ARHGAP23: variants seen among roughly 807,000 people sequenced by gnomAD.
ARHGAP23 encodes the protein Rho GTPase activating protein 23.
ARHGAP23 carries 34 observed loss-of-function variants against 136.3 expected under a neutral mutation model. That is an observed-to-expected ratio of 0.25 (90% CI 0.19 to 0.33). ARHGAP23 has a LOEUF of 0.33. ARHGAP23 is among the 10% of genes least tolerant of loss of function. The pLI is 1.00. For synonymous variants in ARHGAP23, 832 were observed against 920.5 expected (o/e 0.90, Z 1.74); for missense variants, 1,808 against 2,139.0 (o/e 0.85, Z 3.05).
At chr17:38,454,605 G>T (rs2039280152) in intron 1 of ARHGAP23, among the ~76,000 whole-genome samples, 2 of 152,164 alleles carry the variant, frequency 1.3e-5, no homozygotes, top group Admixed American at 1.3e-4. Context: ...GGGCAGAGGA[G>T]GCTGAGTGGC....
rs977731871 is a variant in ARHGAP23 at position 38,510,640 on chromosome 17, G to A, written c.4144G>A (p.Asp1382Asn). 7 of 1,361,916 alleles carry A rather than the reference G, an allele frequency of 5.1e-6. No homozygotes were observed. The African/African-American group carries it at 7.7e-5, about 15-fold the overall frequency. 84.4% of individuals were successfully genotyped at this position (1,361,916 alleles called of 1,614,324 possible). A position where few individuals can be genotyped will look rare whatever the true frequency, so the allele number is the denominator to read the frequency against. Residue 1382 changes from aspartate (D) to asparagine (N), a missense_variant, in exon 24 of 24, where the codon GAC becomes AAC. Physicochemically the swap from Asp to Asn is conservative, Grantham distance 23 (BLOSUM62 1). Around this residue, in one of 7 missense-constraint regions of ARHGAP23, gnomAD observed 506 missense variants for 455.8 expected, o/e 1.11. Transcript: ENST00000622683. The surrounding 1 kb of genome is among the most constrained non-coding windows in gnomAD (Gnocchi z 4.6). The part of the protein sequence containing the change: ...LRLRLRGTAD[D>N]MLAVRLRRPL... Reference sequence around the variant, plus strand: ...TCTAAGGCTCCGCGGCACGGCGGACGACATGCTCGCCGTGCGCCTGCGGCG... The same window carrying A: ...TCTAAGGCTCCGCGGCACGGCGGACAACATGCTCGCCGTGCGCCTGCGGCG...
At chr17:38,430,583 T>C (rs1181140998) in intron 1 of ARHGAP23, among the ~76,000 whole-genome samples, 1 of 152,040 alleles carries the variant, frequency 6.6e-6, no homozygotes, top group African/African-American at 2.4e-5. Context: ...ATGTGTAAGG[T>C]TAAAAGAGAG....
At position 38,460,497 on chromosome 17, in the gene ARHGAP23, G is replaced by A. The variant is rs556021481; in HGVS notation, c.226-408G>A. Among the ~76,000 whole-genome samples the A allele has an allele frequency of 4.6e-5, 7 of 152,250 alleles. No individual in the cohort carries two copies. The South Asian group carries it at 1.4e-3, about 32-fold the overall frequency. On this transcript the variant is annotated intron_variant, in intron 2 of 23. Coordinates refer to ENST00000622683, the MANE Select transcript of ARHGAP23 (RefSeq NM_001199417.2). Reference sequence around the variant, plus strand: ...GATGTCTTTTGAGTCCCCTCCCCAGGAGGACTCTAATCAGTCCTCCCCTTG... The same window carrying A: ...GATGTCTTTTGAGTCCCCTCCCCAGAAGGACTCTAATCAGTCCTCCCCTTG...
At chr17:38,435,687 C>G (rs964634626) in intron 1 of ARHGAP23, among the ~76,000 whole-genome samples, 1 of 152,174 alleles carries the variant, frequency 6.6e-6, no homozygotes, top group Non-Finnish European at 1.5e-5. Context: ...ACTGCAACCT[C>G]TCCCGGGTTC....
At position 38,478,233 on chromosome 17, in the gene ARHGAP23, G is replaced by T. The variant is rs372090985; in HGVS notation, c.2436+337G>T. On this transcript the variant is annotated intron_variant, in intron 12 of 23. Coordinates refer to ENST00000622683, the MANE Select transcript of ARHGAP23 (RefSeq NM_001199417.2). ...CCAGTCTCAGCTTTTCTCAGCAGGC[G>T]AGGAAGGCAGGGGCCTCCTATGGAG... is the stretch of plus-strand genomic sequence containing the variant. Among the ~76,000 whole-genome samples the T allele has an allele frequency of 1.2e-4, 18 of 152,276 alleles. No individual in the cohort carries two copies. In the East Asian group the frequency reaches 1.4e-3, roughly 11 times the overall value.
intron 3 of ARHGAP23, among the ~76,000 whole-genome samples, chr17:38,461,283 T>C (rs1325760638): frequency 6.6e-6 from 1 of 152,210 alleles, no homozygotes; most frequent in African/African-American, 2.4e-5. Context: ...AGGGCAGGGC[T>C]GCAGGGCCTG....
chr17:38,453,080 C>G (rs542039218), intron 1 of ARHGAP23, among the ~76,000 whole-genome samples: 1 of 152,340 alleles, frequency 6.6e-6, no homozygotes, highest in African/African-American at 2.4e-5. Context: ...TGCGTGGCAT[C>G]TGCCATGTTG....
rs530373399 is a variant in ARHGAP23 at position 38,462,864 on chromosome 17, G to A, written c.272G>A (p.Arg91His). 1,608 of 1,526,952 alleles carry A rather than the reference G, an allele frequency of 1.1e-3. 24 individuals carry two copies. In the South Asian group the frequency reaches 0.018, roughly 17 times the overall value. 94.6% of individuals were successfully genotyped at this position (1,526,952 alleles called of 1,614,324 possible). Reference sequence around the variant, plus strand: ...CCACTAGGACCCTCCCCCCGGTACCGCCTGGAGCCCATGGACACCATCTTT... The same window carrying A: ...CCACTAGGACCCTCCCCCCGGTACCACCTGGAGCCCATGGACACCATCTTT... ...GRGGGPSPRY[R>H]LEPMDTIFVK... Residue 91 changes from arginine to histidine, a missense_variant, in exon 4 of 24, where the codon CGC becomes CAC. Transcript: ENST00000622683.
chr17:38,449,383 G>C (rs36112679), intron 1 of ARHGAP23, among the ~76,000 whole-genome samples: 1 of 152,228 alleles, frequency 6.6e-6, no homozygotes, highest in Non-Finnish European at 1.5e-5. Flanking sequence ...CCAGGTTCCC[G>C]GTGATGGGGG....
chr17:38,496,276 C>T (rs1250333707), intron 20 of ARHGAP23, among the ~76,000 whole-genome samples: 2 of 151,286 alleles, frequency 1.3e-5, no homozygotes, highest in East Asian at 3.9e-4. Flanking sequence ...TGGTAGGGTG[C>T]AGTGGCTCAT....
chr17:38,469,787 G>A lies in ARHGAP23; in HGVS notation c.1917-60G>A, dbSNP rs866817052. On this transcript the variant is annotated intron_variant, in intron 9 of 23. Coordinates refer to ENST00000622683, the MANE Select transcript of ARHGAP23 (RefSeq NM_001199417.2). ...CTGGGCTTGGGGTTTGGTGGGTGACGAGATAGTGAGGTCCCAGCTTTGCTG... is the reference window on the plus strand; with the variant it reads ...CTGGGCTTGGGGTTTGGTGGGTGACAAGATAGTGAGGTCCCAGCTTTGCTG... 1.9e-6 allele frequency: 3 copies of A among 1,540,598 alleles called. No homozygotes were observed. The African/African-American group carries it at 4.1e-5, about 21-fold the overall frequency.
At chr17:38,458,010 C>A in intron 1 of ARHGAP23, 92 bp from the exon 2 acceptor site, 2 of 1,450,864 alleles carry the variant, frequency 1.4e-6, no homozygotes, top group Admixed American at 2.1e-5. Context: ...CCTTCTGGTG[C>A]CCCTCCGGTC....
rs575806067 is a variant in ARHGAP23 at position 38,468,689 on chromosome 17, A to T, written c.1649-455A>T. The stretch of plus-strand genomic sequence containing the variant: ...ACAGCACAGTCTGTTTGAGGGGGAG[A>T]TGTCATCTCTGCCCTTGAGGAGCCC... On this transcript the variant is annotated intron_variant, in intron 7 of 23. Coordinates refer to ENST00000622683, the MANE Select transcript of ARHGAP23 (RefSeq NM_001199417.2). Among the ~76,000 whole-genome samples the T allele has an allele frequency of 9.9e-5, 15 of 152,194 alleles. No individual in the cohort carries two copies. In the South Asian group the frequency reaches 3.1e-3, roughly 32 times the overall value.
chr17:38,478,985 C>T (rs1476083909), intron 12 of ARHGAP23, among the ~76,000 whole-genome samples: 1 of 152,170 alleles, frequency 6.6e-6, no homozygotes. Context: ...CCGGGAACAG[C>T]TTTCCCCACT....
At chr17:38,423,850 T>C (rs547081377), upstream of ARHGAP23, among the ~76,000 whole-genome samples, 1 of 152,178 alleles carries the variant, frequency 6.6e-6, no homozygotes, top group African/African-American at 2.4e-5. Context: ...GGGGATGCTC[T>C]TTCTCCTTTG....
chr17:38,469,894 T>C lies in ARHGAP23; in HGVS notation c.1964T>C (p.Phe655Ser). ...IPSLRMLRSF[F>S]TDGSLDSWGT... ...AGCCTGCGGATGCTCCGGAGCTTCTTCACCGACGGGGTGAGAGCTGCAAGT... is the reference window on the plus strand; with the variant it reads ...AGCCTGCGGATGCTCCGGAGCTTCTCCACCGACGGGGTGAGAGCTGCAAGT... Residue 655 changes from phenylalanine (F) to serine (S), a missense_variant, in exon 10 of 24, where the codon TTC becomes TCC. Phe to Ser is a radical substitution (Grantham distance 155, BLOSUM62 -2). Transcript: ENST00000622683. 6.4e-7 allele frequency: 1 copy of C among 1,551,678 alleles called. No homozygotes were observed. The highest frequency in any genetic ancestry group is 2.4e-5 in the East Asian group (1 of 40,916).
Position 38,491,617 on chromosome 17 carries a change from C to T in ARHGAP23, c.3276+85C>T, listed in dbSNP as rs749629105. 170 of 1,523,794 alleles carry T rather than the reference C, an allele frequency of 1.1e-4. 1 individual carries two copies. Among genetic ancestry groups the T allele is most frequent in the Admixed American group, 1.8e-4 (9 of 49,030 alleles). 94.4% of individuals were successfully genotyped at this position (1,523,794 alleles called of 1,614,324 possible). On this transcript the variant is annotated intron_variant, in intron 20 of 23. Coordinates refer to ENST00000622683, the MANE Select transcript of ARHGAP23 (RefSeq NM_001199417.2). The stretch of plus-strand genomic sequence containing the variant: ...AGCCCCTCGCTCTTGCTCCGCCTGG[C>T]GGAGTGTGCCCCAGGAAGGGCTCGG...
chr17:38,471,468 T>G (rs993779463), intron 10 of ARHGAP23, among the ~76,000 whole-genome samples: 6 of 152,256 alleles, frequency 3.9e-5, no homozygotes, highest in African/African-American at 1.4e-4. Flanking sequence ...CTCGTGGACA[T>G]GACTACCTGC....
At chr17:38,484,221 G>A (rs923839206) in intron 16 of ARHGAP23, among the ~76,000 whole-genome samples, 1 of 152,078 alleles carries the variant, frequency 6.6e-6, no homozygotes, top group African/African-American at 2.4e-5. Flanking sequence ...AACCCTAAGA[G>A]TTGTCTGCAT....
Sources: gnomAD v4.1 joint callset for allele counts (sites outside exome capture counted in the v4.1 genomes callset) on GRCh38, gnomAD v4.1.1 for gene constraint, gnomAD v4.1.1 regional missense constraint, Gnocchi (gnomAD v3.1) non-coding constraint, MANE v1.5 for transcripts, NCBI Gene and HGNC (gene_info 2026-07-23, HGNC 2026-07-21) for gene names.